MED13L: variants seen among roughly 807,000 people sequenced by gnomAD.
The protein encoded by MED13L is mediator complex subunit 13L.
MED13L carries 7 observed loss-of-function variants against 220.9 expected under a neutral mutation model. The observed-to-expected ratio is 0.03, with a 90% CI of 0.02 to 0.06. MED13L has a LOEUF of 0.06. MED13L is among the 10% of genes least tolerant of loss of function. The pLI, the probability that MED13L is intolerant of heterozygous loss-of-function variation, is 1.00. For missense variants in MED13L, 1,965 were observed against 2,760.5 expected, an observed-to-expected ratio of 0.71 and a Z score of 6.46; for synonymous variants, 1,011 against 1,015.2, an observed-to-expected ratio of 1.00 and a Z score of 0.08.
chr12:116,088,429 G>A (rs1871900192), intron 4 of MED13L, among the ~76,000 whole-genome samples: 1 of 152,154 alleles, frequency 6.6e-6, no homozygotes, highest in Non-Finnish European at 1.5e-5. Context: ...TCAACCAGGG[G>A]TGACTTGCCC....
chr12:116,123,877 G>C (rs1405267277), intron 2 of MED13L, among the ~76,000 whole-genome samples: 2 of 151,984 alleles, frequency 1.3e-5, no homozygotes, highest in Non-Finnish European at 2.9e-5. Context: ...AGACACGCCT[G>C]GAGTGATAAC....
At chr12:116,234,590 A>T (rs1341777402) in intron 2 of MED13L, among the ~76,000 whole-genome samples, 4 of 152,100 alleles carry the variant, frequency 2.6e-5, no homozygotes, top group Non-Finnish European at 4.4e-5. Context: ...GTCCCTATTT[A>T]AAAAATGTTA....
At chr12:116,246,198 T>C (rs1871081992) in intron 1 of MED13L, among the ~76,000 whole-genome samples, 1 of 147,116 alleles carries the variant, frequency 6.8e-6, no homozygotes, top group African/African-American at 2.5e-5. Flanking sequence ...AACGCATTTT[T>C]AGACATGCAA....
At chr12:116,007,660 A>AAAAAAAAAAAAC in intron 10 of MED13L, 24 bp from the exon 11 acceptor site, 1 of 1,577,450 alleles carries the variant, frequency 6.3e-7, no homozygotes, top group South Asian at 1.2e-5. Context: ...AAAAAAAAAA[A>AAAAAAAAAAAAC]AAAAAGAGCA....
chr12:116,094,408 C>T (rs1357079756), intron 4 of MED13L, among the ~76,000 whole-genome samples: 1 of 152,160 alleles, frequency 6.6e-6, no homozygotes, highest in Non-Finnish European at 1.5e-5. Context: ...TCAGCAGCCT[C>T]CCATTTATAT....
Position 115,972,387 on chromosome 12 carries a change from A to G in MED13L, c.5732-151T>C, listed in dbSNP as rs575671603. ...TTACATATGTTCCCCTCCTTGCTAT[A>G]GAGAATGTTACTCGACTTCTATTAC... On this transcript the variant is annotated intron_variant, in intron 25 of 30. Coordinates refer to ENST00000281928, the MANE Select transcript of MED13L (RefSeq NM_015335.5). 5.1e-5 allele frequency: 44 copies of G among 864,122 alleles called. No individual in the cohort carries two copies. In the East Asian group the frequency reaches 1.1e-3, roughly 22 times the overall value. The allele number at this position is 864,122 out of a possible 1,614,324, so 53.5% of individuals were successfully genotyped here.
Position 116,266,892 on chromosome 12 carries a change from G to A in MED13L, c.72+10168C>T, listed in dbSNP as rs183848323. Among the ~76,000 whole-genome samples the A allele has an allele frequency of 2.6e-3, 401 of 152,274 alleles. 1 individual carries two copies. The highest frequency in any genetic ancestry group is 8.7e-3 in the African/African-American group (363 of 41,548). On this transcript the variant is annotated intron_variant, in intron 1 of 30. Coordinates refer to ENST00000281928, the MANE Select transcript of MED13L (RefSeq NM_015335.5). ...TCAACAAGCCTAAACAATATTTTTA[G>A]ATACTGCCACATTATTAAACAGAAA...
At chr12:116,001,229 C>T (rs982468603) in intron 14 of MED13L, among the ~76,000 whole-genome samples, 2 of 152,088 alleles carry the variant, frequency 1.3e-5, no homozygotes, top group Non-Finnish European at 2.9e-5. Flanking sequence ...TGGAGTCTTG[C>T]TCTGTCGCCG....
intron 2 of MED13L, among the ~76,000 whole-genome samples, chr12:116,177,163 G>A (rs564404869): frequency 1.1e-4 from 16 of 152,000 alleles, no homozygotes; most frequent in Non-Finnish European, 1.5e-4. Flanking sequence ...CACCAACACC[G>A]AAATCTTGAA....
At chr12:116,133,919 G>A (rs1279617725) in intron 2 of MED13L, among the ~76,000 whole-genome samples, 1 of 151,982 alleles carries the variant, frequency 6.6e-6, no homozygotes, top group Non-Finnish European at 1.5e-5. Context: ...AACCAGCATC[G>A]ACCACCAGCT....
intron 17 of MED13L, 73 bp from the exon 18 acceptor site, chr12:115,987,361 G>A: frequency 2.2e-6 from 3 of 1,377,546 alleles, no homozygotes; most frequent in Non-Finnish European, 3.0e-6. Context: ...ATCACCTCGA[G>A]CCTCAGTTAT....
intron 2 of MED13L, among the ~76,000 whole-genome samples, chr12:116,202,955 C>G (rs899114464): frequency 7.2e-5 from 11 of 152,172 alleles, no homozygotes; most frequent in Admixed American, 6.5e-4. Context: ...CCTGTTCTTA[C>G]CAGAACTCAA....
At chr12:116,095,854 C>T (rs1792041060) in intron 4 of MED13L, among the ~76,000 whole-genome samples, 1 of 151,982 alleles carries the variant, frequency 6.6e-6, no homozygotes, top group Non-Finnish European at 1.5e-5. Context: ...TCTAAAATTC[C>T]ATGTCTGTAT....
intron 1 of MED13L, among the ~76,000 whole-genome samples, chr12:116,239,702 C>G (rs1870439018): frequency 6.6e-6 from 1 of 152,118 alleles, no homozygotes; most frequent in Non-Finnish European, 1.5e-5. Flanking sequence ...TACTGAATTA[C>G]CAAAGAATAT....
Position 116,027,239 on chromosome 12 carries a change from T to C in MED13L, c.480-4638A>G, listed in dbSNP as rs182404226. The stretch of plus-strand genomic sequence containing the variant: ...GAGTTCAGGACTAACCTGTGCAACA[T>C]GGCCAAAACCACATCTCTACAAAAA... On this transcript the variant is annotated intron_variant, in intron 4 of 30. Transcript: ENST00000281928. Among the ~76,000 whole-genome samples the C allele has an allele frequency of 1.4e-4, 21 of 152,214 alleles. No individual in the cohort carries two copies. In the East Asian group the frequency reaches 1.5e-3, roughly 11 times the overall value.
intron 2 of MED13L, 128 bp from the exon 3 acceptor site, chr12:116,111,640 G>A (rs1292946517): frequency 1.1e-5 from 8 of 708,690 alleles, no homozygotes; most frequent in Admixed American, 5.5e-5. Flanking sequence ...ATAATCTCAC[G>A]CTGAAACAGA....
chr12:116,069,676 A>T (rs2137676556), intron 4 of MED13L, among the ~76,000 whole-genome samples: 1 of 152,302 alleles, frequency 6.6e-6, no homozygotes, highest in South Asian at 2.1e-4. Flanking sequence ...TGCACTCCAA[A>T]TCCAAAACAG....
chr12:115,968,052 G>GACC (rs1876307656), intron 28 of MED13L, among the ~76,000 whole-genome samples: 1 of 35,684 alleles, frequency 2.8e-5, no homozygotes, highest in Non-Finnish European at 5.0e-5. Flanking sequence ...GGGAATAAAA[G>GACC]TCCCCCCCCC....
chr12:116,234,236 T>TATTC (rs1441200045), intron 2 of MED13L, among the ~76,000 whole-genome samples: 1 of 151,980 alleles, frequency 6.6e-6, no homozygotes, highest in Non-Finnish European at 1.5e-5. Context: ...TTTATTTATT[T>TATTC]ATTTATTTAT....
Sources: gnomAD v4.1 joint callset for allele counts (sites outside exome capture counted in the v4.1 genomes callset) on GRCh38, gnomAD v4.1.1 for gene constraint, MANE v1.5 for transcripts, NCBI Gene and HGNC (gene_info 2026-07-23, HGNC 2026-07-21) for gene names.